STXBP4: variants seen among roughly 807,000 people sequenced by gnomAD.
The protein encoded by STXBP4 is syntaxin binding protein 4.
A neutral mutation model predicts 76.1 loss-of-function variants in STXBP4; 55 were observed. The observed-to-expected ratio is 0.72, with a 90% CI of 0.58 to 0.91. STXBP4 has a LOEUF of 0.91. Ranked by LOEUF, STXBP4 falls within the 40% of genes least tolerant of loss-of-function variation. The pLI, the probability that STXBP4 is intolerant of heterozygous loss-of-function variation, is 0.00. For missense variants in STXBP4, 618 were observed against 636.9 expected (o/e 0.97, Z 0.32); for synonymous variants, 201 against 220.2 (o/e 0.91, Z 0.77).
At chr17:54,969,405 C>T (rs2077351374) in intron 1 of STXBP4, among the ~76,000 whole-genome samples, 1 of 152,160 alleles carries the variant, frequency 6.6e-6, no homozygotes, top group Non-Finnish European at 1.5e-5. Context: ...AAGGAAGCAT[C>T]TTTCTAGAAA....
intron 10 of STXBP4, among the ~76,000 whole-genome samples, chr17:55,039,767 A>G (rs2078667387): frequency 6.6e-6 from 1 of 152,102 alleles, no homozygotes; most frequent in Admixed American, 6.6e-5. Context: ...AGTTTTGTCT[A>G]GGATAACTAA....
chr17:55,040,290 G>A (rs1354679586), intron 10 of STXBP4, among the ~76,000 whole-genome samples: 7 of 151,958 alleles, frequency 4.6e-5, no homozygotes, highest in Non-Finnish European at 1.0e-4. Flanking sequence ...GGGAGTGAGA[G>A]GAAAGATGTA....
intron 1 of STXBP4, among the ~76,000 whole-genome samples, chr17:54,976,092 A>G (rs745551437): frequency 2.6e-5 from 4 of 152,190 alleles, no homozygotes; most frequent in Non-Finnish European, 5.9e-5. Context: ...ACATGCCCTT[A>G]GTGTTGTACC....
At chr17:55,102,177 G>T (rs1177912328) in intron 16 of STXBP4, among the ~76,000 whole-genome samples, 1 of 150,812 alleles carries the variant, frequency 6.6e-6, no homozygotes, top group Non-Finnish European at 1.5e-5. Context: ...TACAGAATTT[G>T]CAGTGTTGTT....
At chr17:55,211,623 G>A in the STXBP4 span, among the ~76,000 whole-genome samples, 1 of 151,790 alleles carries the variant, frequency 6.6e-6, no homozygotes. Flanking sequence ...TTTGATATCC[G>A]ATGCTTCACA....
At chr17:55,045,787 C>T (rs1199053904) in intron 11 of STXBP4, among the ~76,000 whole-genome samples, 1 of 152,000 alleles carries the variant, frequency 6.6e-6, no homozygotes, top group Non-Finnish European at 1.5e-5. Flanking sequence ...ACCTCAAAAC[C>T]TACCTATTGG....
At chr17:55,188,490 G>A in the STXBP4 span, among the ~76,000 whole-genome samples, 1 of 152,168 alleles carries the variant, frequency 6.6e-6, no homozygotes, top group Non-Finnish European at 1.5e-5. Context: ...AGTGATACCT[G>A]GGAACTGGAC....
chr17:55,129,033 G>T (rs1168242722), intron 16 of STXBP4, among the ~76,000 whole-genome samples: 1 of 148,696 alleles, frequency 6.7e-6, no homozygotes, highest in African/African-American at 2.5e-5. Context: ...GGGTTCAAGT[G>T]ATTCTCCTGC....
intron 8 of STXBP4, among the ~76,000 whole-genome samples, chr17:55,026,763 T>C (rs1482775734): frequency 6.6e-6 from 1 of 152,162 alleles, no homozygotes; most frequent in Non-Finnish European, 1.5e-5. Context: ...ACCCAGGCAG[T>C]GGTTGCAGGT....
Position 55,163,338 on chromosome 17 carries a change from G to A in STXBP4, c.*3427G>A, listed in dbSNP as rs1385681846. 1 of 151,210 alleles carries A rather than the reference G, an allele frequency of 6.6e-6. No individual in the cohort carries two copies. Among genetic ancestry groups the A allele is most frequent in the Non-Finnish European group, 1.5e-5 (1 of 67,916 alleles). 9.4% of individuals were successfully genotyped at this position (151,210 alleles called of 1,614,324 possible). A position where few individuals can be genotyped will look rare whatever the true frequency, so the allele number is the denominator to read the frequency against. On this transcript the variant is annotated 3_prime_UTR_variant, in exon 18 of 18. Coordinates refer to ENST00000376352, the MANE Select transcript of STXBP4 (RefSeq NM_178509.6). The stretch of plus-strand genomic sequence containing the variant: ...GCAGCAGAGACTGACTTGCTGTATA[G>A]AGGGAAGTCAAGTAGTGACTAACTC...
intron 16 of STXBP4, among the ~76,000 whole-genome samples, chr17:55,140,895 C>T (rs1281565881): frequency 1.3e-5 from 2 of 152,208 alleles, no homozygotes; most frequent in South Asian, 2.1e-4. Flanking sequence ...TGTCTGATTC[C>T]CTGTGGAGCT....
rs1293624768 is a variant in STXBP4 at position 55,168,257 on chromosome 17, C to G, written c.*8346C>G. ...TGTGTATATACACACCACACACACA[C>G]ACACACACACGTATTGGAGGAATAA... is the stretch of plus-strand genomic sequence containing the variant. On this transcript the variant is annotated 3_prime_UTR_variant, in exon 18 of 18. Coordinates refer to ENST00000376352, the MANE Select transcript of STXBP4 (RefSeq NM_178509.6). 6.6e-6 allele frequency: 1 copy of G among 151,868 alleles called. No homozygotes were observed. Among genetic ancestry groups the G allele is most frequent in the Non-Finnish European group, 1.5e-5 (1 of 67,930 alleles). The allele number at this position is 151,868 out of a possible 1,614,324, so 9.4% of individuals were successfully genotyped here. A position where few individuals can be genotyped will look rare whatever the true frequency, so the allele number is the denominator to read the frequency against.
intron 16 of STXBP4, among the ~76,000 whole-genome samples, chr17:55,115,594 T>C (rs571081405): frequency 1.3e-4 from 19 of 151,984 alleles, no homozygotes; most frequent in Non-Finnish European, 1.8e-4. Flanking sequence ...CTATACCCTC[T>C]TTTTTATTCT....
At chr17:55,035,864 G>A (rs531610810) in intron 10 of STXBP4, among the ~76,000 whole-genome samples, 58 of 151,634 alleles carry the variant, frequency 3.8e-4, no homozygotes, top group Middle Eastern at 3.4e-3. Flanking sequence ...TATCTTATTT[G>A]TGTTTATCTT....
chr17:54,977,609 A>G (rs537754700), intron 1 of STXBP4, among the ~76,000 whole-genome samples: 32 of 152,304 alleles, frequency 2.1e-4, no homozygotes, highest in South Asian at 1.7e-3. Flanking sequence ...GATCTTTTAT[A>G]TATTGGTTTC....
intron 16 of STXBP4, among the ~76,000 whole-genome samples, chr17:55,116,818 C>G (rs1053446076): frequency 1.3e-5 from 2 of 151,734 alleles, no homozygotes; most frequent in Non-Finnish European, 3.0e-5. Context: ...ACCTAGATTT[C>G]AAATCTCTGT....
At chr17:55,063,455 A>G (rs1006447523) in intron 12 of STXBP4, among the ~76,000 whole-genome samples, 16 of 152,194 alleles carry the variant, frequency 1.1e-4, no homozygotes, top group Admixed American at 8.5e-4. Flanking sequence ...ATGCTGTTAA[A>G]GTTCTAGGTT....
Position 55,100,935 on chromosome 17 carries a change from C to T in STXBP4, c.1489+19752C>T, listed in dbSNP as rs547730295. 3.7e-4 allele frequency among the ~76,000 whole-genome samples: 56 copies of T among 152,226 alleles called. 1 individual carries two copies. The highest frequency in any genetic ancestry group is 8.3e-4 in the South Asian group (4 of 4,824). On this transcript the variant is annotated intron_variant, in intron 16 of 17. Transcript: ENST00000376352. ...ATGACAAGGAGCTGAGGACAGTCTC[C>T]GGATGAATCCTTCAGTGCTCCCCAG... is the stretch of plus-strand genomic sequence containing the variant.
chr17:55,106,548 CAT>C (rs2079637231), intron 16 of STXBP4, among the ~76,000 whole-genome samples: 2 of 152,294 alleles, frequency 1.3e-5, no homozygotes, highest in South Asian at 4.1e-4. Flanking sequence ...GCAGTTTCTT[CAT>C]AGTGTCAATG....
Sources: allele counts gnomAD v4.1 joint callset (sites outside exome capture counted in the v4.1 genomes callset), GRCh38; gene constraint gnomAD v4.1.1; transcripts MANE v1.5; gene names NCBI Gene and HGNC (gene_info 2026-07-23, HGNC 2026-07-21).